SRGAP2C: variants seen among roughly 807,000 people sequenced by gnomAD.
The protein encoded by SRGAP2C is SLIT-ROBO Rho GTPase-activating protein 2C.
In SRGAP2C, 15 loss-of-function variants were observed where a neutral mutation model predicts 25.1. The ratio of observed to expected loss-of-function variants is 0.60; its 90% confidence interval spans 0.40 to 0.92. The LOEUF is 0.92. SRGAP2C is among the 40% of genes least tolerant of loss of function. The pLI is 0.00. For synonymous variants in SRGAP2C, 44 were observed against 96.6 expected (o/e 0.46, Z 3.19); for missense variants, 144 against 264.4 (o/e 0.54, Z 3.16).
chr1:121,285,483 T>G (rs1310403861), intron 3 of SRGAP2C, among the ~76,000 whole-genome samples: 17 of 149,810 alleles, frequency 1.1e-4, no homozygotes, highest in African/African-American at 3.9e-4. Context: ...AGGGTCTATA[T>G]TTTTAACCAT....
Position 121,387,906 on chromosome 1 carries a change from C to A in SRGAP2C, c.*51C>A, listed in dbSNP as rs1659982600. 2.6e-6 allele frequency: 2 copies of A among 779,052 alleles called. No homozygotes were observed. The highest frequency in any genetic ancestry group is 4.8e-6 in the Non-Finnish European group (2 of 417,300). 48.3% of individuals were successfully genotyped at this position (779,052 alleles called of 1,614,324 possible). Reference sequence around the variant, plus strand: ...TCAAGGGAGATTTGGAACTCAGAGTCCTTGTTAAGTGTCTGAAGGACAGGC... The same window carrying A: ...TCAAGGGAGATTTGGAACTCAGAGTACTTGTTAAGTGTCTGAAGGACAGGC... On this transcript the variant is annotated 3_prime_UTR_variant, in exon 10 of 10. Coordinates refer to ENST00000367123, the MANE Select transcript of SRGAP2C (RefSeq NM_001329984.2).
chr1:121,303,512 G>C (rs1657745264), intron 3 of SRGAP2C, among the ~76,000 whole-genome samples: 1 of 151,812 alleles, frequency 6.6e-6, no homozygotes, highest in African/African-American at 2.4e-5. Flanking sequence ...CTTTACTGTG[G>C]AGTTGACCAT....
At chr1:121,273,272 C>A (rs1553335617) in intron 2 of SRGAP2C, among the ~76,000 whole-genome samples, 1 of 97,556 alleles carries the variant, frequency 1.0e-5, no homozygotes, top group Non-Finnish European at 2.5e-5. Flanking sequence ...GGACAGTTTA[C>A]CTTTCCATAA....
At chr1:121,345,653 T>TTC (rs1658725133) in intron 4 of SRGAP2C, among the ~76,000 whole-genome samples, 1 of 127,856 alleles carries the variant, frequency 7.8e-6, no homozygotes, top group African/African-American at 2.9e-5. Flanking sequence ...GCTCTTCTTT[T>TTC]TTTTTTTTTT....
At chr1:121,213,077 G>A (rs1328866717) in intron 2 of SRGAP2C, among the ~76,000 whole-genome samples, 1 of 131,558 alleles carries the variant, frequency 7.6e-6, no homozygotes, top group Non-Finnish European at 1.6e-5. Context: ...ACAGTGTCTT[G>A]TTCTGTTGCC....
At chr1:121,224,145 TACAA>T (rs1352908545) in intron 2 of SRGAP2C, among the ~76,000 whole-genome samples, 98 of 146,168 alleles carry the variant, frequency 6.7e-4, no homozygotes, top group African/African-American at 2.3e-3. Context: ...GAGGCTCACA[TACAA>T]ACAAACAGGC....
At chr1:121,349,980 GAA>G (rs1658861349) in intron 4 of SRGAP2C, among the ~76,000 whole-genome samples, 1 of 83,628 alleles carries the variant, frequency 1.2e-5, no homozygotes, top group African/African-American at 4.7e-5. Context: ...TTTTCTAGAA[GAA>G]AATTCAGACC....
chr1:121,351,434 C>G (rs1440263247), intron 4 of SRGAP2C, among the ~76,000 whole-genome samples: 1 of 150,510 alleles, frequency 6.6e-6, no homozygotes, highest in African/African-American at 2.5e-5. Flanking sequence ...ATGGTGAAAC[C>G]CTGCCTCTAC....
Position 121,228,944 on chromosome 1 carries a change from T to C in SRGAP2C, c.67+41431T>C, listed in dbSNP as rs1553327082. Among the ~76,000 whole-genome samples the C allele has an allele frequency of 2.0e-5, 3 of 152,168 alleles. No homozygotes were observed. The East Asian group carries it at 5.8e-4, about 29-fold the overall frequency. On this transcript the variant is annotated intron_variant, in intron 2 of 9. Coordinates refer to ENST00000367123, the MANE Select transcript of SRGAP2C (RefSeq NM_001329984.2). ...GTGTTTCTAAGAGCAGCCTGGTCCT[T>C]AATTATCTTACTAAAGACAGTGTCC...
In SRGAP2C at chr1:121,372,970, C is replaced by G. The variant is rs587698395; in HGVS notation, c.487-1001C>G. The stretch of plus-strand genomic sequence containing the variant: ...CTCAAAGAAATCTTATGGCATCACA[C>G]TTTCAGCACTCGTGAACTCCCTGTG... On this transcript the variant is annotated intron_variant, in intron 5 of 9. Coordinates refer to ENST00000367123, the MANE Select transcript of SRGAP2C (RefSeq NM_001329984.2). Among the ~76,000 whole-genome samples the G allele has an allele frequency of 1.4e-3, 133 of 96,312 alleles. 4 individuals are homozygous for G. The highest frequency in any genetic ancestry group is 5.1e-3 in the African/African-American group (131 of 25,560). 63.2% of individuals were successfully genotyped at this position (96,312 alleles called of 152,430 possible). A position where few individuals can be genotyped will look rare whatever the true frequency, so the allele number is the denominator to read the frequency against.
chr1:121,314,556 T>G (rs1658050380), intron 3 of SRGAP2C, among the ~76,000 whole-genome samples: 1 of 151,946 alleles, frequency 6.6e-6, no homozygotes, highest in African/African-American at 2.4e-5. Context: ...TCTTTGTGGT[T>G]TTCTCTACTT....
At chr1:121,248,515 T>TG (rs1303629545) in intron 2 of SRGAP2C, among the ~76,000 whole-genome samples, 1 of 144,800 alleles carries the variant, frequency 6.9e-6, no homozygotes, top group Non-Finnish European at 1.5e-5. Flanking sequence ...GGCGCAATCT[T>TG]GGCTCACTGC....
intron 3 of SRGAP2C, among the ~76,000 whole-genome samples, chr1:121,291,105 T>A: frequency 8.2e-6 from 1 of 121,522 alleles, no homozygotes; most frequent in Non-Finnish European, 1.7e-5. Context: ...ACACACAAAG[T>A]AAGAGCAAAA....
intron 4 of SRGAP2C, among the ~76,000 whole-genome samples, chr1:121,352,810 C>T (rs1335447073): frequency 1.3e-5 from 2 of 148,430 alleles, no homozygotes; most frequent in African/African-American, 5.0e-5. Flanking sequence ...TATAGATTGG[C>T]CGGGCACGGT....
At chr1:121,368,467 T>C (rs1250044486) in intron 5 of SRGAP2C, among the ~76,000 whole-genome samples, 1 of 147,320 alleles carries the variant, frequency 6.8e-6, no homozygotes, top group Non-Finnish European at 1.5e-5. Flanking sequence ...TTAAGATAGG[T>C]TTAGGACTGG....
chr1:121,241,326 T>C (rs1656119364), intron 2 of SRGAP2C, among the ~76,000 whole-genome samples: 1 of 47,578 alleles, frequency 2.1e-5, no homozygotes, highest in South Asian at 5.2e-4. Flanking sequence ...GATAAACCCA[T>C]TAGAAGTCCT....
chr1:121,351,587 G>A (rs1397682898), intron 4 of SRGAP2C, among the ~76,000 whole-genome samples: 1 of 139,010 alleles, frequency 7.2e-6, no homozygotes, highest in African/African-American at 2.8e-5. Context: ...TCCAGCCTGG[G>A]CGACAGAGCG....
rs587649727 is a variant in SRGAP2C at position 121,207,240 on chromosome 1, C to T, written c.67+19727C>T. On this transcript the variant is annotated intron_variant, in intron 2 of 9. Coordinates refer to ENST00000367123, the MANE Select transcript of SRGAP2C (RefSeq NM_001329984.2). ...GAAATATTCTCCCTTGAAGGGGCTT[C>T]GTGTTTGTATGCAGGAATTAATAGC... 7.2e-5 allele frequency among the ~76,000 whole-genome samples: 11 copies of T among 152,230 alleles called. No homozygotes were observed. The East Asian group carries it at 1.7e-3, about 24-fold the overall frequency.
chr1:121,315,068 G>T (rs1378117886), intron 3 of SRGAP2C: 3 of 895,726 alleles, frequency 3.3e-6, no homozygotes, highest in South Asian at 2.8e-5. Context: ...TGCTCCCCGA[G>T]GGTGAGGAAC....
Sources: gnomAD v4.1 joint callset for allele counts (sites outside exome capture counted in the v4.1 genomes callset) on GRCh38, gnomAD v4.1.1 for gene constraint, MANE v1.5 for transcripts, NCBI Gene and HGNC (gene_info 2026-07-23, HGNC 2026-07-21) for gene names.